SAMM50: variants seen among roughly 807,000 people sequenced by gnomAD.
SAMM50 encodes sorting and assembly machinery component 50 homolog.
A neutral mutation model predicts 66.9 loss-of-function variants in SAMM50; 47 were observed. That is an observed-to-expected ratio of 0.70 (90% CI 0.56 to 0.90). The LOEUF is 0.90. SAMM50 is among the 40% of genes least tolerant of loss of function. SAMM50 has a pLI of 0.00. For synonymous variants in SAMM50, 191 were observed against 214.1 expected (o/e 0.89, Z 0.94); for missense variants, 535 against 595.3 (o/e 0.90, Z 1.05).
chr22:43,993,620 T>C (rs2050337395), intron 14 of SAMM50, among the ~76,000 whole-genome samples: 1 of 152,238 alleles, frequency 6.6e-6, no homozygotes, highest in African/African-American at 2.4e-5. Flanking sequence ...ATGTTTATTA[T>C]GGACAGTGAG....
intron 12 of SAMM50, among the ~76,000 whole-genome samples, chr22:43,984,366 G>A (rs2050280595): frequency 6.6e-6 from 1 of 152,134 alleles, no homozygotes; most frequent in Non-Finnish European, 1.5e-5. Flanking sequence ...AGGCTGGAGT[G>A]CAATGGCGCG....
rs1279631581 is a variant in SAMM50 at position 43,972,962 on chromosome 22, T to A, written c.521T>A (p.Leu174Gln). The A allele has an allele frequency of 6.2e-7, 1 of 1,601,056 alleles. No individual in the cohort carries two copies. The change falls in exon 6 of 15, where the codon CTG becomes CAG. Residue 174 changes from leucine (L) to glutamine (Q), a missense_variant. Coordinates refer to ENST00000350028, the MANE Select transcript of SAMM50 (RefSeq NM_015380.5). The part of the protein sequence containing the change: ...SYGTKETSYG[L>Q]SFFKPRPGNF... ...GGAACAAAAGAAACTTCGTATGGCC[T>A]GTCCTTCTTCAAACCACGGCCCGGA...
intron 13 of SAMM50, among the ~76,000 whole-genome samples, chr22:43,989,590 G>C (rs2146827632): frequency 6.6e-6 from 1 of 152,164 alleles, no homozygotes; most frequent in South Asian, 2.1e-4. Context: ...CACCCCCCTT[G>C]GATTCCCAAA....
chr22:43,993,789 G>C (rs546560032), intron 14 of SAMM50, among the ~76,000 whole-genome samples: 1 of 152,214 alleles, frequency 6.6e-6, no homozygotes, highest in African/African-American at 2.4e-5. Flanking sequence ...TGGCAGGATG[G>C]GGTATCGTGT....
chr22:43,967,422 G>A (rs2050179075), intron 3 of SAMM50, among the ~76,000 whole-genome samples: 1 of 152,196 alleles, frequency 6.6e-6, no homozygotes, highest in Non-Finnish European at 1.5e-5. Flanking sequence ...AGTGCTAAGC[G>A]CCGAGCTGCA....
chr22:43,995,540 C>G (rs2050348582), intron 14 of SAMM50: 1 of 152,360 alleles, frequency 6.6e-6, no homozygotes, highest in Non-Finnish European at 1.5e-5. Context: ...TTGGCCTTGC[C>G]CCATGCACAG....
At chr22:43,976,006 G>C (rs1214713237) in intron 7 of SAMM50, 49 bp from the exon 8 acceptor site, 3 of 1,552,934 alleles carry the variant, frequency 1.9e-6, no homozygotes, top group Non-Finnish European at 2.6e-6. Context: ...TTTGCAACAA[G>C]TTCCTAAGTA....
intron 4 of SAMM50, 51 bp from the exon 5 acceptor site, chr22:43,972,185 A>G (rs775271345): frequency 1.7e-6 from 2 of 1,208,756 alleles, no homozygotes; most frequent in South Asian, 1.6e-5. Context: ...ATGGGAACCC[A>G]AAGTAAAATA....
intron 1 of SAMM50, 194 bp from the exon 2 acceptor site, chr22:43,963,092 C>G (rs1223967443): frequency 4.9e-6 from 2 of 406,522 alleles, no homozygotes; most frequent in Non-Finnish European, 8.8e-6. Flanking sequence ...AGTTAACCAC[C>G]AAGCCAAGAA....
At position 43,973,755 on chromosome 22, in the gene SAMM50, C is replaced by A. The variant is rs543639725; in HGVS notation, c.648+432C>A. ...GGTTCAAGTGATTCTCCTGCCTCAG[C>A]CTCCGTCACCGTGCCCAGCTAATTT... On this transcript the variant is annotated intron_variant, in intron 7 of 14. Transcript: ENST00000350028. 4.6e-5 allele frequency among the ~76,000 whole-genome samples: 7 copies of A among 152,288 alleles called. No individual in the cohort carries two copies. In the South Asian group the frequency reaches 1.5e-3, roughly 32 times the overall value.
intron 12 of SAMM50, chr22:43,986,990 T>C (rs1364002286): frequency 6.6e-6 from 1 of 152,222 alleles, no homozygotes; most frequent in Non-Finnish European, 1.5e-5. Flanking sequence ...TACAGTGTAA[T>C]TTTTAAGAAA....
chr22:43,995,739 G>A (rs2050349967), intron 14 of SAMM50, among the ~76,000 whole-genome samples: 1 of 152,246 alleles, frequency 6.6e-6, no homozygotes, highest in Admixed American at 6.5e-5. Context: ...GGGTCTGGTG[G>A]TTTGTTCCCA....
chr22:43,984,194 T>C (rs763895053), intron 12 of SAMM50, among the ~76,000 whole-genome samples, 194 bp downstream of exon 12: 33 of 152,182 alleles, frequency 2.2e-4, no homozygotes, highest in Admixed American at 9.2e-4. Context: ...TGAGAAAATA[T>C]ATCTGAGCAA....
intron 10 of SAMM50, among the ~76,000 whole-genome samples, 199 bp from the exon 11 acceptor site, chr22:43,981,192 T>C (rs762094424): frequency 3.9e-5 from 6 of 152,200 alleles, no homozygotes; most frequent in Non-Finnish European, 7.3e-5. Flanking sequence ...TGGAATTGCG[T>C]GTTTTAATAG....
chr22:43,957,648 T>C (rs1603418376), intron 1 of SAMM50, among the ~76,000 whole-genome samples: 1 of 152,208 alleles, frequency 6.6e-6, no homozygotes, highest in Non-Finnish European at 1.5e-5. Flanking sequence ...GGTCTTGAAC[T>C]CCTGACCTCA....
At chr22:43,962,372 ACTGT>A (rs2050151064) in intron 1 of SAMM50, among the ~76,000 whole-genome samples, 1 of 152,208 alleles carries the variant, frequency 6.6e-6, no homozygotes, top group African/African-American at 2.4e-5. Flanking sequence ...TAAGTCAGAG[ACTGT>A]CTGTCTTAAC....
chr22:43,966,661 G>A (rs2050175121), intron 3 of SAMM50, among the ~76,000 whole-genome samples: 1 of 152,132 alleles, frequency 6.6e-6, no homozygotes, highest in Admixed American at 6.6e-5. Context: ...CGGCCCACAA[G>A]TCCACTCTCT....
At chr22:43,955,839 G>C (rs1447363510) in intron 1 of SAMM50, among the ~76,000 whole-genome samples, 2 of 152,224 alleles carry the variant, frequency 1.3e-5, no homozygotes, top group Non-Finnish European at 2.9e-5. Context: ...GCGAGTCCGT[G>C]GCCCAAAGGA....
intron 7 of SAMM50, 193 bp from the exon 8 acceptor site, chr22:43,975,862 T>A: frequency 1.7e-6 from 1 of 586,858 alleles, no homozygotes; most frequent in Non-Finnish European, 3.0e-6. Flanking sequence ...GCTTTCCCCC[T>A]TTCTTCCTTT....
Sources: allele counts gnomAD v4.1 joint callset (sites outside exome capture counted in the v4.1 genomes callset), GRCh38; gene constraint gnomAD v4.1.1; transcripts MANE v1.5; gene names NCBI Gene and HGNC (gene_info 2026-07-23, HGNC 2026-07-21).